Variants in ALG13 observed in about 807,000 individuals in gnomAD.
The protein encoded by ALG13 is ALG13 UDP-N-acetylglucosaminyltransferase subunit, also known as UDP-N-acetylglucosamine transferase subunit ALG13.
ALG13 carries 11 observed loss-of-function variants against 87.8 expected under a neutral mutation model. The ratio of observed to expected loss-of-function variants is 0.13; its 90% confidence interval spans 0.08 to 0.21. The LOEUF (loss-of-function observed/expected upper bound fraction) is 0.21. Among genes scored for constraint, ALG13 ranks in the 10% least tolerant of loss-of-function variants. ALG13 has a pLI of 1.00. For missense variants in ALG13, 756 were observed against 866.1 expected, an observed-to-expected ratio of 0.87 and a Z score of 1.60; for synonymous variants, 320 against 306.3, an observed-to-expected ratio of 1.04 and a Z score of -0.47.
At chrX:111,701,647 T>G (rs1336361013) in intron 3 of ALG13, among the ~76,000 whole-genome samples, 1 of 111,821 alleles carries the variant, frequency 8.9e-6, no homozygotes, top group Non-Finnish European at 1.9e-5. Context: ...TAGTTTCGTT[T>G]ATTATTTTTC....
chrX:111,751,002 A>G (rs765115315), intron 24 of ALG13, among the ~76,000 whole-genome samples: 7 of 107,708 alleles, frequency 6.5e-5, no homozygotes, highest in African/African-American at 1.0e-4. Flanking sequence ...AGGTATGTAC[A>G]TTGTTTTCTT....
intron 3 of ALG13, among the ~76,000 whole-genome samples, chrX:111,695,535 A>C (rs182501097): frequency 0.049 from 5,429 of 110,109 alleles, 151 homozygotes; most frequent in Middle Eastern, 0.088. Context: ...AAAAAAAAAA[A>C]AAACAAACCC....
At position 111,744,883 on chromosome X, in the gene ALG13, A is replaced by G; in HGVS notation, c.2911A>G (p.Ser971Gly). 1 of 1,208,040 alleles carries G rather than the reference A, an allele frequency of 8.3e-7. No homozygotes were observed. The highest frequency in any genetic ancestry group is 3.0e-5 in the East Asian group (1 of 33,747). Reference protein sequence around the residue: ...LPPPPYSCDPSGSDLPQDTKV... With the variant: ...LPPPPYSCDPGGSDLPQDTKV... Reference sequence around the variant, plus strand: ...ACCTCCACCTTATTCCTGTGATCCAAGCGGCAGTGATTTGCCTCAAGGTAA... The same window carrying G: ...ACCTCCACCTTATTCCTGTGATCCAGGCGGCAGTGATTTGCCTCAAGGTAA... The change falls in exon 24 of 27, where the codon AGC becomes GGC. Residue 971 changes from serine (S) to glycine (G), a missense_variant. Physicochemically the swap from Ser to Gly is moderately conservative, Grantham distance 56 (BLOSUM62 0). Around this residue, in one of 9 missense-constraint regions of ALG13, gnomAD observed 7 missense variants for 28.9 expected, o/e 0.24. Transcript: ENST00000394780.
intron 3 of ALG13, among the ~76,000 whole-genome samples, chrX:111,693,923 T>A (rs905489799): frequency 8.9e-6 from 1 of 112,152 alleles, no homozygotes; most frequent in African/African-American, 3.2e-5. Context: ...TAACTTCATT[T>A]CTTGGTCATT....
At chrX:111,703,425 T>C (rs1276562985) in intron 3 of ALG13, among the ~76,000 whole-genome samples, 2 of 111,829 alleles carry the variant, frequency 1.8e-5, no homozygotes, top group African/African-American at 3.3e-5. Flanking sequence ...CCTGTTTTCT[T>C]ATATAGTTCT....
chrX:111,695,402 A>G (rs1013535067), intron 3 of ALG13, among the ~76,000 whole-genome samples: 16 of 110,279 alleles, frequency 1.5e-4, no homozygotes, highest in African/African-American at 5.3e-4. Context: ...ACATGCCTGT[A>G]ATCCCAGTCG....
chrX:111,688,860 A>G, intron 3 of ALG13: 3 of 752,935 alleles, frequency 4.0e-6, no homozygotes, highest in Non-Finnish European at 4.7e-6. Context: ...CTTTCTGATT[A>G]GAGTGTGTGG....
chrX:111,724,900 CAGT>C, intron 14 of ALG13, 31 bp from the exon 15 acceptor site: 1 of 1,198,397 alleles, frequency 8.3e-7, no homozygotes, highest in Non-Finnish European at 1.1e-6. Flanking sequence ...GTCTGTGTTG[CAGT>C]ATCTTCATGG....
chrX:111,746,791 TC>T (rs757609608), intron 24 of ALG13, among the ~76,000 whole-genome samples: 29 of 112,261 alleles, frequency 2.6e-4, no homozygotes, highest in South Asian at 2.2e-3. Context: ...ATTTTACACT[TC>T]CACCAGCAGC....
intron 23 of ALG13, chrX:111,743,819 A>G (rs1290828463): frequency 2.7e-5 from 3 of 111,580 alleles, no homozygotes; most frequent in Non-Finnish European, 3.8e-5. Context: ...GATAATGCAG[A>G]TAACAAAATG....
At chrX:111,754,542 C>A (rs1230943171) in intron 25 of ALG13, among the ~76,000 whole-genome samples, 5 of 112,091 alleles carry the variant, frequency 4.5e-5, no homozygotes, top group Non-Finnish European at 9.4e-5. Context: ...TTGTCTCAGC[C>A]CAAAAGCTCC....
chrX:111,728,190 TGGA>T lies in ALG13; in HGVS notation c.2256_2258del (p.Gly753del). On this transcript the variant is annotated inframe_deletion, in exon 19 of 27. Transcript: ENST00000394780. ...TGTGTGTCTCTCTGATACAGAATCATGGAGGTCCCTCTACAATGGTTCCTGCTA... is the reference window on the plus strand; with the variant it reads ...TGTGTGTCTCTCTGATACAGAATCATGGTCCCTCTACAATGGTTCCTGCTA... The T allele has an allele frequency of 8.3e-7, 1 of 1,211,457 alleles. No individual in the cohort carries two copies. The highest frequency in any genetic ancestry group is 1.8e-5 in the South Asian group (1 of 56,966).
intron 3 of ALG13, among the ~76,000 whole-genome samples, chrX:111,695,616 T>C (rs1166491869): frequency 9.0e-6 from 1 of 111,628 alleles, no homozygotes; most frequent in African/African-American, 3.3e-5. Context: ...AAATCTGTAT[T>C]GTCATGCTAT....
At chrX:111,723,581 T>A (rs1431795154) in intron 13 of ALG13, among the ~76,000 whole-genome samples, 1 of 110,891 alleles carries the variant, frequency 9.0e-6, no homozygotes, top group Non-Finnish European at 1.9e-5. Context: ...AAAAAAAAAA[T>A]GTTTCTTTAA....
intron 23 of ALG13, among the ~76,000 whole-genome samples, chrX:111,739,600 GACAGTGGAATA>G (rs1400960060): frequency 8.9e-6 from 1 of 112,316 alleles, no homozygotes; most frequent in Non-Finnish European, 1.9e-5. Flanking sequence ...TATGCTAGAA[GACAGTGGAATA>G]ACATTTAAGA....
intron 7 of ALG13, 71 bp from the exon 8 acceptor site, chrX:111,713,154 G>A: frequency 1.5e-6 from 1 of 656,651 alleles, no homozygotes; most frequent in Non-Finnish European, 2.4e-6. Flanking sequence ...AGCACAAATA[G>A]TTGTTCCTAT....
chrX:111,703,389 GTTAAAT>G (rs1327443160), intron 3 of ALG13, among the ~76,000 whole-genome samples: 1 of 111,252 alleles, frequency 9.0e-6, no homozygotes, highest in African/African-American at 3.3e-5. Flanking sequence ...TTACTTAACT[GTTAAAT>G]TTAAATACAG....
At chrX:111,733,928 T>C (rs1037567743) in intron 21 of ALG13, among the ~76,000 whole-genome samples, 7 of 112,507 alleles carry the variant, frequency 6.2e-5, no homozygotes, top group East Asian at 5.6e-4. Flanking sequence ...TTTTTTCTTA[T>C]GTTTGTTGAC....
At chrX:111,709,138 C>G (rs1655540252) in intron 5 of ALG13, 90 bp downstream of exon 5, 1 of 442,915 alleles carries the variant, frequency 2.3e-6, no homozygotes, top group Admixed American at 4.4e-5. Context: ...TAAACTATAT[C>G]ATGCTGTCTC....
Sources: gnomAD v4.1 joint callset for allele counts (sites outside exome capture counted in the v4.1 genomes callset) on GRCh38, gnomAD v4.1.1 for gene constraint, gnomAD v4.1.1 regional missense constraint, MANE v1.5 for transcripts, NCBI Gene and HGNC (gene_info 2026-07-23, HGNC 2026-07-21) for gene names.